The following PDE8B variants were observed in gnomAD, a reference collection of about 807,000 sequenced individuals.
The protein encoded by PDE8B is phosphodiesterase 8B.
In PDE8B, 26 loss-of-function variants were observed where a neutral mutation model predicts 101.3. The observed-to-expected ratio is 0.26, with a 90% CI of 0.19 to 0.36. The LOEUF is 0.36. Among genes scored for constraint, PDE8B ranks in the 10% least tolerant of loss-of-function variants. The pLI is 1.00. For missense variants in PDE8B, 810 were observed against 1,163.1 expected (o/e 0.70, Z 4.42); for synonymous variants, 424 against 429.3 (o/e 0.99, Z 0.15).
chr5:77,148,637 G>A, the PDE8B span: 1 of 152,112 alleles, frequency 6.6e-6, no homozygotes, highest in Non-Finnish European at 1.5e-5. Flanking sequence ...TAATGATATT[G>A]TGCATCTTTG....
At chr5:77,284,729 G>A (rs754211492) in intron 1 of PDE8B, among the ~76,000 whole-genome samples, 1 of 152,084 alleles carries the variant, frequency 6.6e-6, no homozygotes, top group African/African-American at 2.4e-5. Context: ...AAGTAATATA[G>A]CATATACTAT....
At chr5:77,392,515 G>T (rs1043164174) in intron 10 of PDE8B, among the ~76,000 whole-genome samples, 2 of 152,178 alleles carry the variant, frequency 1.3e-5, no homozygotes, top group Non-Finnish European at 2.9e-5. Flanking sequence ...TAACATCAAG[G>T]TTGTTTGACC....
chr5:77,381,283 G>A (rs1315794682), intron 10 of PDE8B, among the ~76,000 whole-genome samples: 2 of 152,238 alleles, frequency 1.3e-5, no homozygotes, highest in Non-Finnish European at 2.9e-5. Flanking sequence ...AAAGCTGATG[G>A]TACCTGCGTT....
chr5:77,096,009 G>T, the PDE8B span, among the ~76,000 whole-genome samples: 3 of 151,124 alleles, frequency 2.0e-5, no homozygotes, highest in Non-Finnish European at 3.0e-5. Context: ...ATTTTTTTTT[G>T]AGATGGAGTC....
At chr5:77,228,970 T>C (rs1326668709) in intron 1 of PDE8B, among the ~76,000 whole-genome samples, 1 of 152,162 alleles carries the variant, frequency 6.6e-6, no homozygotes, top group Admixed American at 6.5e-5. Context: ...ATGTGGGAGA[T>C]AGAACGGTCT....
chr5:77,297,079 C>A (rs908315586), intron 1 of PDE8B, among the ~76,000 whole-genome samples: 11 of 152,302 alleles, frequency 7.2e-5, no homozygotes, highest in South Asian at 2.1e-4. Flanking sequence ...TGTGTCATCT[C>A]ATGGAGAAGG....
At chr5:77,348,673 T>C (rs1780561861) in intron 7 of PDE8B, among the ~76,000 whole-genome samples, 1 of 152,142 alleles carries the variant, frequency 6.6e-6, no homozygotes, top group African/African-American at 2.4e-5. Context: ...TGAATGGAGT[T>C]CTTATTTGTT....
At chr5:77,373,745 C>T (rs975215606) in intron 10 of PDE8B, among the ~76,000 whole-genome samples, 1 of 152,138 alleles carries the variant, frequency 6.6e-6, no homozygotes, top group African/African-American at 2.4e-5. Flanking sequence ...GTGTACCATT[C>T]AATGGATTTT....
At chr5:77,375,710 A>T (rs1785935009) in intron 10 of PDE8B, among the ~76,000 whole-genome samples, 1 of 152,118 alleles carries the variant, frequency 6.6e-6, no homozygotes, top group East Asian at 1.9e-4. Flanking sequence ...GTGGTAGTCT[A>T]GTAAGTGGCG....
intron 20 of PDE8B, 139 bp from the exon 21 acceptor site, chr5:77,425,628 G>A (rs1200970869): frequency 3.6e-6 from 3 of 826,484 alleles, no homozygotes; most frequent in African/African-American, 3.3e-5. Flanking sequence ...ACGTAAGTCT[G>A]AGGACCTTGC....
At chr5:77,250,809 G>C (rs1022032384) in intron 1 of PDE8B, among the ~76,000 whole-genome samples, 2 of 152,306 alleles carry the variant, frequency 1.3e-5, no homozygotes, top group East Asian at 3.9e-4. Flanking sequence ...GGCCGCCAAG[G>C]TCCCTCTTCT....
chr5:77,357,703 A>ACAAGGACC (rs1442713658), intron 10 of PDE8B, among the ~76,000 whole-genome samples: 2 of 152,210 alleles, frequency 1.3e-5, no homozygotes, highest in Admixed American at 1.3e-4. Flanking sequence ...CCCTGAACCC[A>ACAAGGACC]CAAGGACCCA....
chr5:77,270,798 A>T (rs1762620700), intron 1 of PDE8B, among the ~76,000 whole-genome samples: 1 of 152,218 alleles, frequency 6.6e-6, no homozygotes, highest in African/African-American at 2.4e-5. Context: ...GGCTGGGAGA[A>T]TCCTAGCCCA....
intron 19 of PDE8B, among the ~76,000 whole-genome samples, chr5:77,420,815 A>G (rs1796496291): frequency 6.6e-6 from 1 of 152,142 alleles, no homozygotes; most frequent in African/African-American, 2.4e-5. Flanking sequence ...GTAAGCCCCC[A>G]CCTCTGCACT....
At chr5:77,424,352 T>C (rs989515642) in intron 20 of PDE8B, among the ~76,000 whole-genome samples, 1 of 152,228 alleles carries the variant, frequency 6.6e-6, no homozygotes, top group East Asian at 1.9e-4. Flanking sequence ...AATGTACTAA[T>C]GTTCATAAGC....
At chr5:77,290,436 G>GCT in intron 1 of PDE8B, 1 of 1,447,704 alleles carries the variant, frequency 6.9e-7, no homozygotes, top group South Asian at 1.1e-5. Flanking sequence ...ACAGGCCAGT[G>GCT]TGGCAGACTA....
chr5:77,248,443 T>TTTG (rs147737507), intron 1 of PDE8B, among the ~76,000 whole-genome samples: 4,122 of 152,092 alleles, frequency 0.027, 68 homozygotes, highest in Non-Finnish European at 0.029. Flanking sequence ...TAAATTAGTT[T>TTTG]TTGTTGTTGT....
Position 77,211,976 on chromosome 5 carries a change from A to G in PDE8B, c.339+712A>G, listed in dbSNP as rs537308486. Among the ~76,000 whole-genome samples the G allele has an allele frequency of 3.9e-5, 6 of 152,322 alleles. No homozygotes were observed. The highest frequency in any genetic ancestry group is 1.4e-4 in the African/African-American group (6 of 41,584). ...AGTGCAGTACAGCTGTCTGAGGATG[A>G]TTCTGCACATACAACTGATCTTCCC... On this transcript the variant is annotated intron_variant, in intron 1 of 21. Transcript: ENST00000264917. This position sits in a 1 kb window ranked among gnomAD's most constrained non-coding sequence, Gnocchi z 4.1.
chr5:77,114,880 T>A, the PDE8B span: 2 of 152,356 alleles, frequency 1.3e-5, no homozygotes, highest in East Asian at 3.9e-4. Context: ...TACTTGTGTT[T>A]GAGTTTCCCA....
Sources: gnomAD v4.1 joint callset for allele counts (sites outside exome capture counted in the v4.1 genomes callset) on GRCh38, gnomAD v4.1.1 for gene constraint, Gnocchi (gnomAD v3.1) non-coding constraint, MANE v1.5 for transcripts, NCBI Gene and HGNC (gene_info 2026-07-23, HGNC 2026-07-21) for gene names.